Variants in AUTS2 observed in about 807,000 individuals in gnomAD.
AUTS2 encodes the protein autism susceptibility gene 2 protein.
AUTS2 carries 17 observed loss-of-function variants against 112.4 expected under a neutral mutation model. The ratio of observed to expected loss-of-function variants is 0.15; its 90% CI spans 0.10 to 0.23. The LOEUF (loss-of-function observed/expected upper bound fraction) is 0.23, where lower values mean the gene tolerates loss of function less well. Ranked by LOEUF, AUTS2 falls within the 10% of genes least tolerant of loss-of-function variation. AUTS2 has a pLI of 1.00. For missense variants in AUTS2, 1,510 were observed against 1,701.6 expected (o/e 0.89, Z 1.98); for synonymous variants, 751 against 702.7 (o/e 1.07, Z -1.09).
intron 2 of AUTS2, among the ~76,000 whole-genome samples, chr7:69,940,483 G>T (rs1796584909): frequency 6.6e-6 from 1 of 152,164 alleles, no homozygotes; most frequent in African/African-American, 2.4e-5. Flanking sequence ...ACAGAGAGAA[G>T]CCCATTAGGG....
Position 70,789,916 on chromosome 7 carries a change from C to A in AUTS2, c.2700C>A (p.Ser900=). Residue 900 remains serine (S), a synonymous_variant, in exon 19 of 19, where the codon TCC becomes TCA. Transcript: ENST00000342771. ...PKERERDHSE[S]RKDLAADEHK... is the part of the protein sequence containing the mutation. Reference sequence around the variant, plus strand: ...AGAGGGAGAGAGACCACTCGGAATCCCGCAAGGACCTGGCCGCCGACGAGC... The same window carrying A: ...AGAGGGAGAGAGACCACTCGGAATCACGCAAGGACCTGGCCGCCGACGAGC... 1 of 1,614,124 alleles carries A rather than the reference C, an allele frequency of 6.2e-7. No individual in the cohort carries two copies.
At chr7:70,647,792 A>C (rs369117526) in intron 5 of AUTS2, among the ~76,000 whole-genome samples, 2 of 152,174 alleles carry the variant, frequency 1.3e-5, no homozygotes, top group Non-Finnish European at 2.9e-5. Context: ...TACGTGGTAC[A>C]AGGACTGCAT....
chr7:70,511,852 C>T (rs1394611463), intron 5 of AUTS2, among the ~76,000 whole-genome samples: 1 of 152,094 alleles, frequency 6.6e-6, no homozygotes, highest in Non-Finnish European at 1.5e-5. Context: ...GCTGGGATTA[C>T]AGGCATGAAC....
chr7:70,108,783 C>CAA (rs528009205), intron 2 of AUTS2, among the ~76,000 whole-genome samples: 701 of 69,022 alleles, frequency 0.01, 95 homozygotes, highest in African/African-American at 0.027. Flanking sequence ...GCCAACATGG[C>CAA]AAAAAAAAAA....
chr7:70,654,869 T>C (rs1806688676), intron 5 of AUTS2, among the ~76,000 whole-genome samples: 1 of 152,198 alleles, frequency 6.6e-6, no homozygotes, highest in Non-Finnish European at 1.5e-5. Flanking sequence ...AATAATGACT[T>C]TAAAAATCCT....
chr7:69,775,369 C>T (rs1788847516), intron 1 of AUTS2, among the ~76,000 whole-genome samples: 1 of 152,214 alleles, frequency 6.6e-6, no homozygotes, highest in Non-Finnish European at 1.5e-5. Flanking sequence ...CTGATGCAGT[C>T]ATCACGGCTT....
intron 1 of AUTS2, chr7:69,643,486 A>G (rs1673420820): frequency 6.6e-6 from 1 of 151,956 alleles, no homozygotes; most frequent in South Asian, 2.1e-4. Context: ...CTAAAGCCTC[A>G]ATAAACACTG....
chr7:70,212,529 A>G (rs755784771), intron 4 of AUTS2, among the ~76,000 whole-genome samples: 3 of 152,198 alleles, frequency 2.0e-5, no homozygotes, highest in Non-Finnish European at 4.4e-5. Context: ...TTAAATTCCT[A>G]AAAAATTGGA....
At chr7:69,810,380 T>A (rs1562898678) in intron 1 of AUTS2, among the ~76,000 whole-genome samples, 1 of 152,214 alleles carries the variant, frequency 6.6e-6, no homozygotes, top group African/African-American at 2.4e-5. Context: ...TTTAAAATGT[T>A]TAGCACAGTG....
At chr7:69,673,086 T>C (rs1562801205) in intron 1 of AUTS2, among the ~76,000 whole-genome samples, 1 of 152,210 alleles carries the variant, frequency 6.6e-6, no homozygotes, top group Non-Finnish European at 1.5e-5. Context: ...TTAGATAATT[T>C]AGCTTATGCC....
chr7:69,869,350 T>C (rs1413042359), intron 1 of AUTS2, among the ~76,000 whole-genome samples: 1 of 152,134 alleles, frequency 6.6e-6, no homozygotes, highest in Non-Finnish European at 1.5e-5. Context: ...TATCAGTGCT[T>C]GAAATTCCTG....
chr7:70,551,970 C>G (rs1801031744), intron 5 of AUTS2, among the ~76,000 whole-genome samples: 1 of 152,152 alleles, frequency 6.6e-6, no homozygotes, highest in South Asian at 2.1e-4. Flanking sequence ...AAACCTTATT[C>G]CTTTATGATC....
rs77079061 is a variant in AUTS2 at position 70,325,296 on chromosome 7, C to G, written c.661-110456C>G. ...CTGTGATGGTACCACTTCACTCCAG[C>G]CGGAGTGACAGAGCAAGCCCCTGTC... On this transcript the variant is annotated intron_variant, in intron 4 of 18. Coordinates refer to ENST00000342771, the MANE Select transcript of AUTS2 (RefSeq NM_015570.4). 3.4e-3 allele frequency among the ~76,000 whole-genome samples: 516 copies of G among 151,904 alleles called. 12 individuals are homozygous for G. The East Asian group carries it at 0.053, about 16-fold the overall frequency.
intron 2 of AUTS2, among the ~76,000 whole-genome samples, chr7:69,997,687 G>A (rs992748810): frequency 2.0e-5 from 3 of 152,060 alleles, no homozygotes; most frequent in African/African-American, 4.8e-5. Context: ...CAGCTCTCAC[G>A]TGTGAACTCA....
intron 4 of AUTS2, among the ~76,000 whole-genome samples, chr7:70,137,152 C>T (rs542383423): frequency 3.3e-5 from 5 of 152,118 alleles, no homozygotes; most frequent in African/African-American, 4.8e-5. Context: ...TTTTCCAATC[C>T]GTTTAGAAGC....
intron 1 of AUTS2, among the ~76,000 whole-genome samples, chr7:69,853,569 A>G (rs1379382654): frequency 6.6e-6 from 1 of 152,080 alleles, no homozygotes; most frequent in Non-Finnish European, 1.5e-5. Context: ...TATTCATTCA[A>G]CCAATCTGTA....
rs1434434667 is a variant in AUTS2 at position 70,540,992 on chromosome 7, T to TC, written c.690+105218dup. Among the ~76,000 whole-genome samples, 7 of 152,022 alleles carry TC rather than the reference T, an allele frequency of 4.6e-5. No individual in the cohort carries two copies. In the East Asian group the frequency reaches 1.2e-3, roughly 25 times the overall value. On this transcript the variant is annotated intron_variant, in intron 5 of 18. Coordinates refer to ENST00000342771, the MANE Select transcript of AUTS2 (RefSeq NM_015570.4). ...TGGAAACCTCTAATTCATGCAAAAG[T>TC]CCCCCCCTATGAAGTGAAGTCTGTT...
chr7:70,360,494 G>T (rs934202826), intron 4 of AUTS2, among the ~76,000 whole-genome samples: 3 of 152,142 alleles, frequency 2.0e-5, no homozygotes, highest in Non-Finnish European at 4.4e-5. Context: ...ATTATCTCAA[G>T]AGAGGAGAGT....
intron 2 of AUTS2, among the ~76,000 whole-genome samples, chr7:70,008,063 T>TA (rs1584567921): frequency 6.6e-6 from 1 of 152,182 alleles, no homozygotes; most frequent in East Asian, 1.9e-4. Flanking sequence ...GTTCAACAGT[T>TA]AATTTTTTTG....
Sources: gnomAD v4.1 joint callset for allele counts (sites outside exome capture counted in the v4.1 genomes callset) on GRCh38, gnomAD v4.1.1 for gene constraint, MANE v1.5 for transcripts, NCBI Gene and HGNC (gene_info 2026-07-23, HGNC 2026-07-21) for gene names.